The following CORO2A variants were observed in gnomAD, a reference collection of about 807,000 sequenced individuals.
CORO2A encodes coronin 2A.
In CORO2A, 47 loss-of-function variants were observed where a neutral mutation model predicts 62.4. The observed-to-expected ratio is 0.75, with a 90% CI of 0.60 to 0.96. The LOEUF (loss-of-function observed/expected upper bound fraction) is 0.96, where lower values mean the gene tolerates loss of function less well. Among genes scored for constraint, CORO2A ranks in the 40% least tolerant of loss-of-function variants. The pLI is 0.00. For missense variants in CORO2A, 610 were observed against 684.1 expected (o/e 0.89, Z 1.21); for synonymous variants, 273 against 268.9 (o/e 1.02, Z -0.15).
intron 2 of CORO2A, among the ~76,000 whole-genome samples, chr9:98,151,926 C>T (rs1017141016): frequency 4.6e-5 from 7 of 151,132 alleles, no homozygotes; most frequent in Admixed American, 3.3e-4. Context: ...ACGCCATTCT[C>T]CTGCCTCAGC....
chr9:98,144,358 G>A (rs1055051627), intron 2 of CORO2A, among the ~76,000 whole-genome samples: 11 of 152,162 alleles, frequency 7.2e-5, no homozygotes, highest in Non-Finnish European at 1.5e-4. Context: ...GGGGCTCAGA[G>A]AGGTTGACAA....
chr9:98,178,994 C>T (rs1292770861), intron 1 of CORO2A, among the ~76,000 whole-genome samples: 3 of 152,210 alleles, frequency 2.0e-5, no homozygotes, highest in Non-Finnish European at 4.4e-5. Flanking sequence ...CTTGATGCTA[C>T]AAATGGCTGC....
intron 2 of CORO2A, among the ~76,000 whole-genome samples, chr9:98,156,842 A>G (rs1827811520): frequency 6.6e-6 from 1 of 152,182 alleles, no homozygotes; most frequent in Non-Finnish European, 1.5e-5. Flanking sequence ...TTCTGCTGTG[A>G]GCCAGTGGCA....
intron 3 of CORO2A, among the ~76,000 whole-genome samples, chr9:98,136,762 A>G (rs1330252940): frequency 1.3e-5 from 2 of 152,246 alleles, no homozygotes; most frequent in Non-Finnish European, 2.9e-5. Context: ...CTGTGAAATG[A>G]TAAGTGTGAT....
intron 1 of CORO2A, among the ~76,000 whole-genome samples, chr9:98,190,923 C>T (rs1031072010): frequency 2.6e-5 from 4 of 152,186 alleles, no homozygotes; most frequent in South Asian, 2.1e-4. Flanking sequence ...CCACCATGGC[C>T]GCAGGGCAAG....
In CORO2A at chr9:98,124,664, T is replaced by C. The variant is rs1827291283; in HGVS notation, c.*110A>G. The C allele has an allele frequency of 1.7e-6, 2 of 1,149,698 alleles. No homozygotes were observed. Among genetic ancestry groups the C allele is most frequent in the Non-Finnish European group, 2.3e-6 (2 of 872,314 alleles). 71.2% of individuals were successfully genotyped at this position (1,149,698 alleles called of 1,614,324 possible). On this transcript the variant is annotated 3_prime_UTR_variant, in exon 12 of 12. Coordinates refer to ENST00000375077, the MANE Select transcript of CORO2A (RefSeq NM_052820.4). Reference sequence around the variant, plus strand: ...AGCGATGGAGAGTTTTGTTTTCTGGTAAAAAATATAGAAATAGTGGTTGTC... The same window carrying C: ...AGCGATGGAGAGTTTTGTTTTCTGGCAAAAAATATAGAAATAGTGGTTGTC...
intron 8 of CORO2A, 28 bp from the exon 9 acceptor site, chr9:98,128,747 G>A (rs377513173): frequency 1.9e-6 from 3 of 1,596,336 alleles, no homozygotes; most frequent in Non-Finnish European, 1.7e-6. Context: ...GGGCCAAGAG[G>A]TTCTGGCTAG....
At position 98,126,811 on chromosome 9, in the gene CORO2A, A is replaced by G; in HGVS notation, c.1184T>C (p.Val395Ala). ...CAGCTCAGAGCCAGGCCTAAGGGAC[A>G]CCAGGATTGGGTCTGGAAGGGAAGC... ...LSGMNRDPIL[V>A]SLRPGSELLR... The change falls in exon 11 of 12, where the codon GTG becomes GCG. Residue 395 changes from valine to alanine, a missense_variant. Coordinates refer to ENST00000375077, the MANE Select transcript of CORO2A (RefSeq NM_052820.4). 1 of 1,614,194 alleles carries G rather than the reference A, an allele frequency of 6.2e-7. No individual in the cohort carries two copies. Among genetic ancestry groups the G allele is most frequent in the South Asian group, 1.1e-5 (1 of 91,080 alleles).
At chr9:98,141,500 G>A (rs1424272450) in intron 2 of CORO2A, among the ~76,000 whole-genome samples, 7 of 152,142 alleles carry the variant, frequency 4.6e-5, no homozygotes, top group Admixed American at 2.6e-4. Flanking sequence ...TTACAGGTGC[G>A]TGCCACCACA....
chr9:98,138,714 C>G (rs1020082786), intron 2 of CORO2A, among the ~76,000 whole-genome samples: 3 of 152,152 alleles, frequency 2.0e-5, no homozygotes, highest in African/African-American at 7.2e-5. Flanking sequence ...AATGCATCCC[C>G]CTGGTACCTG....
intron 3 of CORO2A, among the ~76,000 whole-genome samples, chr9:98,136,809 G>A (rs1478656301): frequency 6.6e-6 from 1 of 152,184 alleles, no homozygotes; most frequent in Non-Finnish European, 1.5e-5. Context: ...AATAAATGGT[G>A]ACAATGACTT....
chr9:98,154,352 T>TATATATATATATATATATATATATACAC (rs71369555), intron 2 of CORO2A, among the ~76,000 whole-genome samples: 14 of 94,050 alleles, frequency 1.5e-4, no homozygotes, highest in African/African-American at 3.0e-4. Flanking sequence ...TATATATATA[T>TATATATATATATATATATATATATACAC]ACACAAATAC....
At chr9:98,126,210 A>AT (rs772219999) in intron 11 of CORO2A, among the ~76,000 whole-genome samples, 4 of 150,716 alleles carry the variant, frequency 2.7e-5, no homozygotes, top group East Asian at 2.0e-4. Flanking sequence ...TAATTTTTGT[A>AT]TTTTTAGTAG....
At position 98,153,665 on chromosome 9, in the gene CORO2A, C is replaced by T. The variant is rs1465645969; in HGVS notation, c.201+3795G>A. ...CTGTTTCCAAACACACACACACACA[C>T]ACACACACACACACACACACACACA... On this transcript the variant is annotated intron_variant, in intron 2 of 11. Transcript: ENST00000375077. Among the ~76,000 whole-genome samples the T allele has an allele frequency of 8.6e-5, 13 of 150,820 alleles. 1 individual carries two copies. The East Asian group carries it at 2.6e-3, about 30-fold the overall frequency.
intron 1 of CORO2A, among the ~76,000 whole-genome samples, chr9:98,158,776 C>T (rs1240725132): frequency 6.6e-6 from 1 of 151,838 alleles, no homozygotes; most frequent in African/African-American, 2.4e-5. Context: ...GCAGATAGAA[C>T]AGTTTGGGGG....
intron 1 of CORO2A, among the ~76,000 whole-genome samples, chr9:98,166,893 GAGTT>G (rs1827968420): frequency 6.6e-6 from 1 of 151,916 alleles, no homozygotes. Context: ...TTGGGTTCTG[GAGTT>G]CAAGACCAGC....
intron 2 of CORO2A, among the ~76,000 whole-genome samples, chr9:98,144,595 A>T (rs1163760697): frequency 6.6e-6 from 1 of 152,200 alleles, no homozygotes; most frequent in Admixed American, 6.5e-5. Flanking sequence ...ATATACTTTG[A>T]GCTCAGAGGA....
chr9:98,157,409 T>C (rs1827818665), intron 2 of CORO2A, 51 bp downstream of exon 2: 2 of 1,570,416 alleles, frequency 1.3e-6, no homozygotes, highest in Non-Finnish European at 1.7e-6. Context: ...CCACTTTCCC[T>C]CTGTCCTGCC....
chr9:98,150,255 T>C (rs1253671895), intron 2 of CORO2A, among the ~76,000 whole-genome samples: 4 of 152,106 alleles, frequency 2.6e-5, no homozygotes, highest in Non-Finnish European at 4.4e-5. Context: ...AACCCTCCAG[T>C]GGCTTCCCAC....
Sources: gnomAD v4.1 joint callset for allele counts (sites outside exome capture counted in the v4.1 genomes callset) on GRCh38, gnomAD v4.1.1 for gene constraint, MANE v1.5 for transcripts, NCBI Gene and HGNC (gene_info 2026-07-23, HGNC 2026-07-21) for gene names.